The following MRI1 variants were observed in gnomAD, a reference collection of about 807,000 sequenced individuals.
The protein encoded by MRI1 is methylthioribose-1-phosphate isomerase.
In MRI1, 32 loss-of-function variants were observed where a neutral mutation model predicts 27.3. That is an observed-to-expected ratio of 1.17 (90% confidence interval 0.88 to 1.57). The LOEUF (loss-of-function observed/expected upper bound fraction) is 1.57. Ranked by LOEUF, MRI1 falls within the 40% of genes most tolerant of loss-of-function variation. The pLI is 0.00. For synonymous variants in MRI1, 216 were observed against 227.4 expected (o/e 0.95, Z 0.45); for missense variants, 508 against 516.1 (o/e 0.98, Z 0.15).
Position 13,768,233 on chromosome 19 carries a change from G to C in MRI1, c.548-328G>C, listed in dbSNP as rs747557545. ...AACCCATAGAAAAGGGGGGCTGCCT[G>C]TACACATGAGGTGTTAGAAGGTGAT... On this transcript the variant is annotated intron_variant, in intron 3 of 5. Coordinates refer to ENST00000040663, the MANE Select transcript of MRI1 (RefSeq NM_001031727.4). The C allele has an allele frequency of 5.8e-6, 4 of 694,642 alleles. No individual in the cohort carries two copies. The Middle Eastern group carries it at 9.7e-4, about 169-fold the overall frequency. 43.0% of individuals were successfully genotyped at this position (694,642 alleles called of 1,614,324 possible). A position where few individuals can be genotyped will look rare whatever the true frequency, so the allele number is the denominator to read the frequency against.
At chr19:13,771,940 G>A (rs537922384) in intron 5 of MRI1, among the ~76,000 whole-genome samples, 181 bp from the exon 6 acceptor site, 9 of 152,156 alleles carry the variant, frequency 5.9e-5, no homozygotes, top group South Asian at 2.1e-4. Context: ...GGGCAGTGGC[G>A]AGTCTAAACT....
In MRI1 at chr19:13,768,337, C is replaced by T. The variant is rs368348656; in HGVS notation, c.548-224C>T. The T allele has an allele frequency of 4.0e-5, 48 of 1,198,780 alleles. No homozygotes were observed. In the East Asian group the frequency reaches 8.4e-4, roughly 21 times the overall value. The allele number at this position is 1,198,780 out of a possible 1,614,324, so 74.3% of individuals were successfully genotyped here. ...ACTGATATATCAGGGAAGGCTTCAC[C>T]GAGAAGGTGTCCTTTAAACAGACGT... On this transcript the variant is annotated intron_variant, in intron 3 of 5. Transcript: ENST00000040663.
intron 2 of MRI1, among the ~76,000 whole-genome samples, chr19:13,765,668 T>G (rs555797590): frequency 2.0e-4 from 31 of 152,316 alleles, no homozygotes; most frequent in South Asian, 4.1e-4. Context: ...TTCCTTCATT[T>G]TATTATCTCT....
intron 3 of MRI1, 32 bp downstream of exon 3, chr19:13,766,161 G>A (rs781221772): frequency 5.4e-6 from 8 of 1,483,236 alleles, no homozygotes; most frequent in Admixed American, 4.9e-5. Flanking sequence ...GTAGGGGAGG[G>A]CCTTCTAGGA....
At chr19:13,768,271 CAG>C (rs1239340892) in intron 3 of MRI1, 3 of 749,900 alleles carry the variant, frequency 4.0e-6, no homozygotes, top group Admixed American at 2.0e-5. Flanking sequence ...ATGCTAAGGA[CAG>C]AGAGCAGGAA....
At chr19:13,767,639 T>TATA (rs1974166530) in intron 3 of MRI1, among the ~76,000 whole-genome samples, 1 of 108,622 alleles carries the variant, frequency 9.2e-6, no homozygotes, top group Non-Finnish European at 1.8e-5. Context: ...ACCCCATCTC[T>TATA]ACAAAAAATA....
In MRI1 at chr19:13,768,896, C is replaced by T. The variant is rs1296147178; in HGVS notation, c.797C>T (p.Ala266Val). 6.2e-7 allele frequency: 1 copy of T among 1,614,040 alleles called. No individual in the cohort carries two copies. Among genetic ancestry groups the T allele is most frequent in the Non-Finnish European group, 8.5e-7 (1 of 1,179,956 alleles). Residue 266 changes from alanine to valine, a missense_variant, in exon 5 of 6, where the codon GCC becomes GTC. Around this residue, in one of 3 missense-constraint regions of MRI1, gnomAD observed 457 missense variants for 452.8 expected, o/e 1.01. Coordinates refer to ENST00000040663, the MANE Select transcript of MRI1 (RefSeq NM_001031727.4). ...AACAAGGTGGGCACCTACCAGCTGG[C>T]CATTGTCGCCAAGCACCATGGCATT... is the stretch of plus-strand genomic sequence containing the variant. ...TANKVGTYQL[A>V]IVAKHHGIPF...
rs1974331584 is a variant in MRI1, at chr19:13,774,199, G to C, written c.*1918G>C. On this transcript the variant is annotated 3_prime_UTR_variant, in exon 6 of 6. Coordinates refer to ENST00000040663, the MANE Select transcript of MRI1 (RefSeq NM_001031727.4). ...TGAGTGCCACACCCTAACCTAGTCT[G>C]AGTTTTTATGTGTAAAGATCATAAA... The C allele has an allele frequency of 7.8e-6, 3 of 386,922 alleles. No individual in the cohort carries two copies. In the South Asian group the frequency reaches 1.8e-4, roughly 23 times the overall value. The allele number at this position is 386,922 out of a possible 1,614,324, so 24.0% of individuals were successfully genotyped here.
chr19:13,765,220 C>A, intron 2 of MRI1, 111 bp downstream of exon 2: 1 of 941,210 alleles, frequency 1.1e-6, no homozygotes, highest in Non-Finnish European at 1.5e-6. Flanking sequence ...GACCTTAAGT[C>A]CCTTGTCCAG....
rs995859645 is a variant in MRI1, at chr19:13,773,540, G to A, written c.*1259G>A. 7 of 153,412 alleles carry A rather than the reference G, an allele frequency of 4.6e-5. No individual in the cohort carries two copies. Among genetic ancestry groups the A allele is most frequent in the African/African-American group, 1.7e-4 (7 of 41,374 alleles). 9.5% of individuals were successfully genotyped at this position (153,412 alleles called of 1,614,324 possible). On this transcript the variant is annotated 3_prime_UTR_variant, in exon 6 of 6. Transcript: ENST00000040663. Reference sequence around the variant, plus strand: ...CCAGCTACTCAGGCTGAAGTGGGAGGATGGCTTGAGCCCAGGAGTTCAAGG... The same window carrying A: ...CCAGCTACTCAGGCTGAAGTGGGAGAATGGCTTGAGCCCAGGAGTTCAAGG...
intron 5 of MRI1, 125 bp downstream of exon 5, chr19:13,769,173 CT>C (rs1031786345): frequency 5.3e-5 from 44 of 836,876 alleles, no homozygotes; most frequent in Non-Finnish European, 7.3e-5. Context: ...TTTCTTTTTT[CT>C]TTTTTTTGAG....
chr19:13,770,414 G>A lies in MRI1; in HGVS notation c.949+1366G>A, dbSNP rs141180495. Among the ~76,000 whole-genome samples the A allele has an allele frequency of 1.2e-3, 184 of 151,998 alleles. 1 individual carries two copies. Among genetic ancestry groups the A allele is most frequent in the African/African-American group, 4.2e-3 (176 of 41,438 alleles). On this transcript the variant is annotated intron_variant, in intron 5 of 5. Coordinates refer to ENST00000040663, the MANE Select transcript of MRI1 (RefSeq NM_001031727.4). The stretch of plus-strand genomic sequence containing the variant: ...AGCCTAGCCAACAGAGCGAAACCAC[G>A]TCTCTACTAAAAAAATATAAAAATT...
chr19:13,764,614 C>T lies in MRI1; in HGVS notation c.26C>T (p.Ser9Leu), dbSNP rs900101917. The T allele has an allele frequency of 1.9e-6, 3 of 1,609,674 alleles. No individual in the cohort carries two copies. In the South Asian group the frequency reaches 3.3e-5, roughly 18 times the overall value. The change falls in exon 1 of 6, where the codon TCG becomes TTG. Residue 9 changes from serine (S) to leucine (L), a missense_variant. Coordinates refer to ENST00000040663, the MANE Select transcript of MRI1 (RefSeq NM_001031727.4). ...ATGACCCTGGAGGCGATCCGCTACT[C>T]GCGGGGCTCCCTGCAGATCCTAGAC... Reference protein sequence around the residue: MTLEAIRYSRGSLQILDQL... With the variant: MTLEAIRYLRGSLQILDQL...
At chr19:13,768,414 C>T in intron 3 of MRI1, 147 bp from the exon 4 acceptor site, 1 of 1,551,090 alleles carries the variant, frequency 6.4e-7, no homozygotes, top group African/African-American at 1.4e-5. Flanking sequence ...GAGGGAACTG[C>T]CACTGCGAGG....
At chr19:13,769,686 C>T (rs1182280265) in intron 5 of MRI1, among the ~76,000 whole-genome samples, 5 of 151,950 alleles carry the variant, frequency 3.3e-5, no homozygotes, top group African/African-American at 9.7e-5. Context: ...CTTTGGGAGG[C>T]CGAGGCGGGC....
chr19:13,768,241 G>A, intron 3 of MRI1: 1 of 702,908 alleles, frequency 1.4e-6, no homozygotes, highest in South Asian at 1.5e-5. Context: ...CTGTACACAT[G>A]AGGTGTTAGA....
In MRI1 at chr19:13,764,903, C is replaced by G; in HGVS notation, c.165C>G (p.Gly55=). 1 of 1,453,142 alleles carries G rather than the reference C, an allele frequency of 6.9e-7. No individual in the cohort carries two copies. The allele number at this position is 1,453,142 out of a possible 1,614,324, so 90.0% of individuals were successfully genotyped here. A position where few individuals can be genotyped will look rare whatever the true frequency, so the allele number is the denominator to read the frequency against. Residue 55 remains glycine (G), a synonymous_variant, in exon 2 of 6, where the codon GGC becomes GGG. Coordinates refer to ENST00000040663, the MANE Select transcript of MRI1 (RefSeq NM_001031727.4). ...VRGAPAIALV[G]CLSLAVELQA... is the part of the protein sequence containing the mutation. Reference sequence around the variant, plus strand: ...GCGCCCCGGCCATAGCCCTGGTGGGCTGTCTCAGCCTCGCCGTGGAGCTGC... The same window carrying G: ...GCGCCCCGGCCATAGCCCTGGTGGGGTGTCTCAGCCTCGCCGTGGAGCTGC...
Position 13,764,973 on chromosome 19 carries a change from G to GT in MRI1, c.236dup (p.Arg80AlafsTer26). On this transcript the variant is annotated frameshift_variant, in exon 2 of 6. Transcript: ENST00000040663. LOFTEE classifies it high-confidence loss of function. ...GGGACTCGCCGCGCTCGTGGCCTTCGTGCGCGACAAGCTGAGCTTCCTCGT... is the reference window on the plus strand; with the variant it reads ...GGGACTCGCCGCGCTCGTGGCCTTCGTTGCGCGACAAGCTGAGCTTCCTCGT... 1 of 1,517,456 alleles carries GT rather than the reference G, an allele frequency of 6.6e-7. No individual in the cohort carries two copies. The highest frequency in any genetic ancestry group is 8.8e-7 in the Non-Finnish European group (1 of 1,138,958). The allele number at this position is 1,517,456 out of a possible 1,614,324, so 94.0% of individuals were successfully genotyped here.
chr19:13,768,454 CT>C (rs771529455), intron 3 of MRI1, 106 bp from the exon 4 acceptor site: 6 of 1,569,916 alleles, frequency 3.8e-6, no homozygotes, highest in Non-Finnish European at 5.2e-6. Context: ...CTCGGTAAGC[CT>C]TTGGCAATCC....
Sources: gnomAD v4.1 joint callset for allele counts (sites outside exome capture counted in the v4.1 genomes callset) on GRCh38, gnomAD v4.1.1 for gene constraint, gnomAD v4.1.1 regional missense constraint, MANE v1.5 for transcripts, NCBI Gene and HGNC (gene_info 2026-07-23, HGNC 2026-07-21) for gene names.